Variants in OR7C1 observed in about 807,000 individuals in gnomAD.
OR7C1 encodes the protein olfactory receptor 7C1.
For missense variants in OR7C1, 324 were observed against 383.3 expected (o/e 0.85, Z 1.29); for synonymous variants, 152 against 160.7 (o/e 0.95, Z 0.41).
chr19:14,805,563 G>A (rs934562670), intron 2 of OR7C1, among the ~76,000 whole-genome samples: 7 of 151,570 alleles, frequency 4.6e-5, no homozygotes, highest in Non-Finnish European at 1.0e-4. Flanking sequence ...TAAAAGGCAT[G>A]TGCCACCACA....
intron 1 of OR7C1, among the ~76,000 whole-genome samples, chr19:14,828,652 G>A (rs577138114): frequency 6.6e-6 from 1 of 150,960 alleles, no homozygotes; most frequent in East Asian, 2.0e-4. Flanking sequence ...CCAGCTACTT[G>A]GGAGGCTGAG....
intron 2 of OR7C1, among the ~76,000 whole-genome samples, chr19:14,807,824 A>T (rs1242742275): frequency 6.6e-6 from 1 of 151,546 alleles, no homozygotes; most frequent in Non-Finnish European, 1.5e-5. Context: ...TGAACCCAGG[A>T]GGCGGAGCTT....
chr19:14,808,407 T>C (rs1283178804), intron 2 of OR7C1, among the ~76,000 whole-genome samples: 2 of 151,980 alleles, frequency 1.3e-5, no homozygotes, highest in East Asian at 3.8e-4. Flanking sequence ...TAAAATGTGG[T>C]ATATATACAG....
chr19:14,802,780 G>C (rs958679817), intron 2 of OR7C1, among the ~76,000 whole-genome samples: 2 of 152,182 alleles, frequency 1.3e-5, no homozygotes, highest in Non-Finnish European at 2.9e-5. Context: ...GTATTCCTGG[G>C]AATGTAGAGG....
At chr19:14,822,145 A>G (rs7258230) in intron 1 of OR7C1, among the ~76,000 whole-genome samples, 69,761 of 152,004 alleles carry the variant, frequency 0.46, 17,081 homozygotes, top group East Asian at 0.7. Context: ...TGGCTTTTGT[A>G]AATAGTGTTG....
chr19:14,814,341 T>A (rs1476138026), intron 1 of OR7C1, among the ~76,000 whole-genome samples: 1 of 148,224 alleles, frequency 6.7e-6, no homozygotes, highest in Non-Finnish European at 1.5e-5. Flanking sequence ...CAATAAAACA[T>A]ATATCCTGAT....
chr19:14,803,321 A>AG (rs1555694308), intron 2 of OR7C1, among the ~76,000 whole-genome samples: 11 of 151,368 alleles, frequency 7.3e-5, no homozygotes, highest in Admixed American at 5.9e-4. Context: ...AAAAAAAAAA[A>AG]AAAAAGAAAA....
chr19:14,828,320 C>T (rs1424586540), intron 1 of OR7C1: 4 of 1,412,712 alleles, frequency 2.8e-6, no homozygotes, highest in East Asian at 4.6e-5. Flanking sequence ...TTCAGAAATA[C>T]CATCATTTAT....
chr19:14,834,396 G>A (rs1421251231), intron 1 of OR7C1, among the ~76,000 whole-genome samples: 4 of 152,158 alleles, frequency 2.6e-5, no homozygotes, highest in Non-Finnish European at 4.4e-5. Flanking sequence ...CACTCTCTTT[G>A]ATAAAGTCTA....
At chr19:14,821,329 A>C (rs1378660578) in intron 1 of OR7C1, 2 of 152,218 alleles carry the variant, frequency 1.3e-5, no homozygotes, top group South Asian at 2.1e-4. Context: ...GTCTGATGTG[A>C]ATTCTGTAAT....
intron 1 of OR7C1, among the ~76,000 whole-genome samples, chr19:14,820,550 G>A (rs1568251660): frequency 6.6e-6 from 1 of 151,558 alleles, no homozygotes; most frequent in Non-Finnish European, 1.5e-5. Flanking sequence ...ATGTATCCCA[G>A]ACCTTAAAGA....
chr19:14,831,749 A>AT (rs1011094263), intron 1 of OR7C1, among the ~76,000 whole-genome samples: 51 of 139,166 alleles, frequency 3.7e-4, no homozygotes, highest in South Asian at 9.0e-4. Flanking sequence ...GGCCTATTTT[A>AT]TTTTTTTTTT....
chr19:14,827,372 A>G (rs200531878), intron 1 of OR7C1: 237 of 1,606,304 alleles, frequency 1.5e-4, no homozygotes, highest in Middle Eastern at 3.3e-4. Context: ...TCCTCAGACT[A>G]TAGATAAAGG....
intron 2 of OR7C1, among the ~76,000 whole-genome samples, chr19:14,807,430 T>C (rs769545278): frequency 5.9e-4 from 90 of 151,976 alleles, no homozygotes; most frequent in Non-Finnish European, 1.2e-3. Context: ...AGGAATTTAT[T>C]TGATGGGAAT....
chr19:14,808,048 A>G (rs936534729), intron 2 of OR7C1, among the ~76,000 whole-genome samples: 6 of 151,740 alleles, frequency 4.0e-5, no homozygotes, highest in African/African-American at 1.5e-4. Context: ...GCAAATTAAA[A>G]CCACGATGAG....
intron 1 of OR7C1, among the ~76,000 whole-genome samples, chr19:14,833,995 C>CCGGGTACTCTAATTTTGGTGACAGAAAT (rs1555696582): frequency 6.6e-6 from 1 of 152,144 alleles, no homozygotes; most frequent in Non-Finnish European, 1.5e-5. Flanking sequence ...CGTGGTGGCA[C>CCGGGTACTCTAATTTTGGTGACAGAAAT]ACGTCTGCAA....
At chr19:14,805,710 C>T (rs1025022847) in intron 2 of OR7C1, among the ~76,000 whole-genome samples, 6 of 151,942 alleles carry the variant, frequency 3.9e-5, no homozygotes, top group South Asian at 2.1e-4. Context: ...CCACCATGCC[C>T]GGCCTGGGAA....
intron 1 of OR7C1, chr19:14,827,735 G>T: frequency 6.2e-7 from 1 of 1,614,092 alleles, no homozygotes; most frequent in South Asian, 1.1e-5. Context: ...CTAAGGCTGT[G>T]CAGAAGGACA....
intron 1 of OR7C1, among the ~76,000 whole-genome samples, chr19:14,831,357 T>C (rs938491109): frequency 3.3e-5 from 5 of 152,202 alleles, no homozygotes; most frequent in African/African-American, 1.2e-4. Context: ...ACTTGATCAA[T>C]TGGTTTTTAT....
Sources: allele counts gnomAD v4.1 joint callset (sites outside exome capture counted in the v4.1 genomes callset), GRCh38; gene constraint gnomAD v4.1.1; transcripts MANE v1.5; gene names NCBI Gene and HGNC (gene_info 2026-07-23, HGNC 2026-07-21).